Variants in SPATA6L observed in about 807,000 individuals in gnomAD.
SPATA6L encodes spermatogenesis associated 6-like protein.
A neutral mutation model predicts 49.2 loss-of-function variants in SPATA6L; 68 were observed. That is an observed-to-expected ratio of 1.38 (90% CI 1.14 to 1.69). The LOEUF is 1.69. Among genes scored for constraint, SPATA6L ranks in the 40% most tolerant of loss-of-function variants. The pLI is 0.00. For missense variants in SPATA6L, 668 were observed against 464.3 expected (o/e 1.44, Z -4.03); for synonymous variants, 198 against 165.7 (o/e 1.19, Z -1.50).
At chr9:4,635,124 T>G in intron 4 of SPATA6L, 151 bp downstream of exon 4, 1 of 659,936 alleles carries the variant, frequency 1.5e-6, no homozygotes, top group Non-Finnish European at 2.2e-6. Context: ...CAGTATAATT[T>G]GGTACCTTGA....
chr9:4,649,062 TACACACACACACACACACAC>T (rs55949521), intron 3 of SPATA6L, among the ~76,000 whole-genome samples: 3 of 150,048 alleles, frequency 2.0e-5, no homozygotes, highest in African/African-American at 7.3e-5. Flanking sequence ...TATAGAAATA[TACACACACACACACACACAC>T]ACACACACAC....
chr9:4,627,841 A>T, intron 5 of SPATA6L: 2 of 1,283,320 alleles, frequency 1.6e-6, no homozygotes, highest in Non-Finnish European at 2.0e-6. Context: ...CACAATAGCC[A>T]AGATTTGGAA....
In SPATA6L at chr9:4,605,361, G is replaced by C; in HGVS notation, c.1075C>G (p.Leu359Val). Reference protein sequence around the residue: ...CSLLTSHRAQLHQNKEDSTSE... With the variant: ...CSLLTSHRAQVHQNKEDSTSE... ...GAAAGTCTAACCTTGTTTTGGTGCA[G>C]CTGTGCTCTGTGGGATGTCAGAAGA... The change falls in exon 10 of 12, where the codon CTG (leucine) becomes GTG (valine). Residue 359 changes from leucine (L) to valine (V), a missense_variant. By Grantham distance (32) the Leu-to-Val change is conservative. Coordinates refer to ENST00000682582, the MANE Select transcript of SPATA6L (RefSeq NM_001353486.2). 1.2e-6 allele frequency: 2 copies of C among 1,613,750 alleles called. No homozygotes were observed. The highest frequency in any genetic ancestry group is 1.1e-5 in the South Asian group (1 of 91,068).
intron 3 of SPATA6L, among the ~76,000 whole-genome samples, chr9:4,653,186 A>C (rs1193462750): frequency 6.6e-6 from 1 of 152,256 alleles, no homozygotes; most frequent in Admixed American, 6.5e-5. Flanking sequence ...AATAGAACTG[A>C]GACCCTAAAA....
intron 7 of SPATA6L, among the ~76,000 whole-genome samples, chr9:4,619,228 G>A (rs1201157872): frequency 1.3e-5 from 2 of 149,650 alleles, no homozygotes; most frequent in East Asian, 3.9e-4. Context: ...CACAATCTCG[G>A]CTCACTGCAA....
chr9:4,609,495 G>C (rs1374896382), intron 9 of SPATA6L, among the ~76,000 whole-genome samples: 3 of 152,026 alleles, frequency 2.0e-5, no homozygotes, highest in African/African-American at 7.3e-5. Context: ...TTCAATATAC[G>C]CAAATCAATA....
chr9:4,622,256 A>C (rs1829490201), intron 7 of SPATA6L, 152 bp downstream of exon 7: 2 of 595,754 alleles, frequency 3.4e-6, no homozygotes, highest in African/African-American at 3.7e-5. Flanking sequence ...CTTCATGGGA[A>C]CACTGCCCTG....
intron 5 of SPATA6L, chr9:4,626,226 G>C (rs1830320363): frequency 3.1e-6 from 1 of 318,602 alleles, no homozygotes; most frequent in South Asian, 6.0e-5. Flanking sequence ...GCTGCAAATG[G>C]CTCCAGATTA....
downstream of SPATA6L, among the ~76,000 whole-genome samples, chr9:4,594,919 C>G (rs301443): frequency 0.71 from 108,385 of 152,012 alleles, 39,318 homozygotes; most frequent in African/African-American, 0.83. Context: ...CCATTCTTCT[C>G]AACACCCACC....
At chr9:4,589,016 C>T (rs568270591) in intron 13 of SPATA6L, 1 of 152,302 alleles carries the variant, frequency 6.6e-6, no homozygotes, top group South Asian at 2.1e-4. Context: ...CTAGAAGCTT[C>T]TATGCAACAG....
chr9:4,624,727 C>CAA (rs58455568), intron 6 of SPATA6L, among the ~76,000 whole-genome samples: 32 of 72,420 alleles, frequency 4.4e-4, no homozygotes, highest in Admixed American at 4.6e-4. Flanking sequence ...GACTCTGTCT[C>CAA]AAAAAAAAAA....
chr9:4,591,471 T>A (rs1821895122), intron 13 of SPATA6L, among the ~76,000 whole-genome samples: 2 of 152,198 alleles, frequency 1.3e-5, no homozygotes, highest in Non-Finnish European at 2.9e-5. Flanking sequence ...AGAGAAGTGC[T>A]ACTGTATAAA....
chr9:4,603,271 A>C (rs751501866), intron 11 of SPATA6L, among the ~76,000 whole-genome samples: 2 of 152,114 alleles, frequency 1.3e-5, no homozygotes, highest in African/African-American at 2.4e-5. Context: ...CTCTACTAAA[A>C]ATACAAAAAT....
At chr9:4,640,927 C>G (rs1833894628) in intron 3 of SPATA6L, among the ~76,000 whole-genome samples, 1 of 152,168 alleles carries the variant, frequency 6.6e-6, no homozygotes. Context: ...ATTCTGCAAT[C>G]ATTCTTTTCA....
At chr9:4,627,603 A>T in intron 5 of SPATA6L, 1 of 487,412 alleles carries the variant, frequency 2.1e-6, no homozygotes, top group Non-Finnish European at 3.3e-6. Flanking sequence ...ATCTTGTTCT[A>T]GAAAGGATTT....
intron 13 of SPATA6L, among the ~76,000 whole-genome samples, chr9:4,589,675 C>G (rs910986297): frequency 1.1e-4 from 17 of 152,294 alleles, no homozygotes; most frequent in African/African-American, 4.1e-4. Context: ...GATGTACCTT[C>G]ACATAACACC....
intron 9 of SPATA6L, among the ~76,000 whole-genome samples, chr9:4,616,187 G>C (rs1173896501): frequency 6.6e-6 from 1 of 152,172 alleles, no homozygotes; most frequent in African/African-American, 2.4e-5. Context: ...TGAGGCAGGA[G>C]GATTGCTTGG....
At chr9:4,607,917 A>C (rs1825713150) in intron 9 of SPATA6L, among the ~76,000 whole-genome samples, 2 of 151,678 alleles carry the variant, frequency 1.3e-5, no homozygotes, top group Admixed American at 1.3e-4. Flanking sequence ...GTGCAGAGAC[A>C]CACATAGGCT....
At chr9:4,632,878 C>T (rs1364466722) in intron 4 of SPATA6L, 1 of 152,178 alleles carries the variant, frequency 6.6e-6, no homozygotes, top group Admixed American at 6.5e-5. Context: ...CTAATATTCT[C>T]CAGTTCAGAA....
Sources: gnomAD v4.1 joint callset for allele counts (sites outside exome capture counted in the v4.1 genomes callset) on GRCh38, gnomAD v4.1.1 for gene constraint, MANE v1.5 for transcripts, NCBI Gene and HGNC (gene_info 2026-07-23, HGNC 2026-07-21) for gene names.